The following MIGA2 variants were observed in gnomAD, a reference collection of about 807,000 sequenced individuals.
The protein encoded by MIGA2 is mitoguardin 2.
MIGA2 carries 36 observed loss-of-function variants against 69.9 expected under a neutral mutation model. The observed-to-expected ratio is 0.52, with a 90% CI of 0.39 to 0.68. The LOEUF (loss-of-function observed/expected upper bound fraction) is 0.68. MIGA2 is among the 30% of genes least tolerant of loss of function. The probability of loss-of-function intolerance (pLI) is 0.00; values close to 1 mark genes in which losing one functional copy is unlikely to be tolerated. For synonymous variants in MIGA2, 333 were observed against 349.2 expected (o/e 0.95, Z 0.52); for missense variants, 660 against 787.7 (o/e 0.84, Z 1.94).
At chr9:129,057,286 A>G (rs1292479124) in intron 6 of MIGA2, among the ~76,000 whole-genome samples, 1 of 151,762 alleles carries the variant, frequency 6.6e-6, no homozygotes, top group East Asian at 1.9e-4. Flanking sequence ...TTTTATATAT[A>G]TAAATTTTGT....
chr9:129,058,353 T>A (rs1845895827), intron 6 of MIGA2, among the ~76,000 whole-genome samples: 1 of 150,190 alleles, frequency 6.7e-6, no homozygotes, highest in Admixed American at 6.7e-5. Context: ...TGGTTAGATG[T>A]GATTGCGCCA....
chr9:129,050,068 T>C, intron 6 of MIGA2, 105 bp downstream of exon 6: 2 of 1,426,590 alleles, frequency 1.4e-6, no homozygotes, highest in South Asian at 2.7e-5. Flanking sequence ...CCTCTGAGAC[T>C]GCTGATTTCC....
At chr9:129,040,770 G>A (rs1327709958) in intron 2 of MIGA2, 80 bp downstream of exon 2, 24 of 1,321,686 alleles carry the variant, frequency 1.8e-5, no homozygotes, top group African/African-American at 2.9e-5. Context: ...GTCCAGGAAC[G>A]CTGAGCCCTC....
At chr9:129,040,776 C>A in intron 2 of MIGA2, 86 bp downstream of exon 2, 1 of 1,263,726 alleles carries the variant, frequency 7.9e-7, no homozygotes, top group Non-Finnish European at 1.1e-6. Flanking sequence ...GAACGCTGAG[C>A]CCTCGTTCTT....
chr9:129,062,538 A>T (rs1269073053), intron 9 of MIGA2, among the ~76,000 whole-genome samples: 1 of 150,428 alleles, frequency 6.6e-6, no homozygotes. Context: ...TCTCAAAAAA[A>T]AAAAAAAAAA....
intron 6 of MIGA2, among the ~76,000 whole-genome samples, chr9:129,054,114 G>A (rs1845682772): frequency 6.6e-6 from 1 of 152,126 alleles, no homozygotes; most frequent in Non-Finnish European, 1.5e-5. Context: ...TCACAAAATT[G>A]TGTATCTATT....
intron 11 of MIGA2, among the ~76,000 whole-genome samples, chr9:129,066,088 T>C (rs951812635): frequency 6.6e-5 from 10 of 152,222 alleles, no homozygotes; most frequent in Non-Finnish European, 7.3e-5. Flanking sequence ...GTATACTCAA[T>C]GGTTCTTCAC....
chr9:129,049,254 C>G (rs1365962838), intron 4 of MIGA2, 127 bp from the exon 5 acceptor site: 1 of 854,618 alleles, frequency 1.2e-6, no homozygotes, highest in African/African-American at 1.7e-5. Flanking sequence ...TGGCTAGGAA[C>G]AAGCTCAGGG....
At chr9:129,057,844 G>C (rs1368704785) in intron 6 of MIGA2, among the ~76,000 whole-genome samples, 2 of 151,990 alleles carry the variant, frequency 1.3e-5, no homozygotes, top group African/African-American at 4.8e-5. Flanking sequence ...GGGCTCAAGG[G>C]ATCCTCCTGC....
rs1846696724 is a variant in MIGA2, at chr9:129,071,860, T to G, written c.*1407T>G. ...CTCCAGGGCAGGAAGGACCCTGTGCTCCCCGCCCCCCATCCTGACATCCTG... is the reference window on the plus strand; with the variant it reads ...CTCCAGGGCAGGAAGGACCCTGTGCGCCCCGCCCCCCATCCTGACATCCTG... On this transcript the variant is annotated 3_prime_UTR_variant, in exon 16 of 16. Coordinates refer to ENST00000684074, the MANE Select transcript of MIGA2 (RefSeq NM_001329990.2). The G allele has an allele frequency of 1.3e-5, 2 of 152,570 alleles. No individual in the cohort carries two copies. Among genetic ancestry groups the G allele is most frequent in the African/African-American group, 4.8e-5 (2 of 41,396 alleles). 9.5% of individuals were successfully genotyped at this position (152,570 alleles called of 1,614,324 possible). A position where few individuals can be genotyped will look rare whatever the true frequency, so the allele number is the denominator to read the frequency against.
intron 9 of MIGA2, among the ~76,000 whole-genome samples, chr9:129,062,956 A>G (rs939879948): frequency 1.3e-5 from 2 of 152,146 alleles, no homozygotes; most frequent in Non-Finnish European, 2.9e-5. Context: ...GTCCTTTGCC[A>G]GTGAAGTGTG....
rs1383898657 is a variant in MIGA2, at chr9:129,048,566, G to A, written c.420+27G>A. 2.5e-6 allele frequency: 4 copies of A among 1,592,182 alleles called. No individual in the cohort carries two copies. The African/African-American group carries it at 4.0e-5, about 16-fold the overall frequency. On this transcript the variant is annotated intron_variant, in intron 4 of 15. Transcript: ENST00000684074. ...TGAGCAGCAGGTGCCAGGGCTCCAGGGCTCCAGGTCCGGGCTTACCCCTGC... is the reference window on the plus strand; with the variant it reads ...TGAGCAGCAGGTGCCAGGGCTCCAGAGCTCCAGGTCCGGGCTTACCCCTGC...
intron 11 of MIGA2, among the ~76,000 whole-genome samples, chr9:129,063,864 A>G (rs1288674810): frequency 1.3e-5 from 2 of 152,060 alleles, no homozygotes; most frequent in East Asian, 1.9e-4. Flanking sequence ...CCGTCTCTCC[A>G]TGCTGGCACT....
intron 2 of MIGA2, 198 bp from the exon 3 acceptor site, chr9:129,042,106 T>G: frequency 8.4e-6 from 5 of 595,970 alleles, no homozygotes; most frequent in Non-Finnish European, 9.2e-6. Context: ...CTTGCCATCT[T>G]TATGTTTTTG....
chr9:129,066,656 CAAAA>C (rs34457777), intron 11 of MIGA2, among the ~76,000 whole-genome samples: 1 of 71,286 alleles, frequency 1.4e-5, no homozygotes, highest in African/African-American at 5.6e-5. Flanking sequence ...CCTGGGCGAC[CAAAA>C]AAAAAAAAAA....
intron 11 of MIGA2, 130 bp from the exon 12 acceptor site, chr9:129,067,643 C>T (rs949180497): frequency 3.9e-6 from 3 of 774,004 alleles, no homozygotes; most frequent in African/African-American, 3.5e-5. Context: ...CACTTCTCTG[C>T]CACGTTTTCT....
At position 129,071,247 on chromosome 9, in the gene MIGA2, T is replaced by TG. The variant is rs1846662633; in HGVS notation, c.*795dup. ...AGGGATCGCTCAGGCCCCTGTCACC[T>TG]GTGGGCCCGGGGACCACTTGGGGGA... On this transcript the variant is annotated 3_prime_UTR_variant, in exon 16 of 16. Coordinates refer to ENST00000684074, the MANE Select transcript of MIGA2 (RefSeq NM_001329990.2). 1 of 152,504 alleles carries TG rather than the reference T, an allele frequency of 6.6e-6. No individual in the cohort carries two copies. The highest frequency in any genetic ancestry group is 2.1e-4 in the South Asian group (1 of 4,838). 9.4% of individuals were successfully genotyped at this position (152,504 alleles called of 1,614,324 possible).
chr9:129,068,016 C>T lies in MIGA2; in HGVS notation c.1269+145C>T, dbSNP rs761218772. 5.6e-6 allele frequency: 7 copies of T among 1,251,174 alleles called. No individual in the cohort carries two copies. The South Asian group carries it at 8.0e-5, about 14-fold the overall frequency. 77.5% of individuals were successfully genotyped at this position (1,251,174 alleles called of 1,614,324 possible). On this transcript the variant is annotated intron_variant, in intron 12 of 15. Coordinates refer to ENST00000684074, the MANE Select transcript of MIGA2 (RefSeq NM_001329990.2). This position sits in a 1 kb window ranked among gnomAD's most constrained non-coding sequence, Gnocchi z 4.1. ...ATAGTCCCCGGTTCCTGCCCTGCCC[C>T]AGGCCAAGGCAGAGGGAGGAATGGC...
chr9:129,069,050 C>A lies in MIGA2; in HGVS notation c.1405-26C>A. ...TGTGGGCTAGGCCCATTTTGACACC[C>A]GGGGGACATCCTATTTTTGATGTAG... On this transcript the variant is annotated intron_variant, in intron 13 of 15. Coordinates refer to ENST00000684074, the MANE Select transcript of MIGA2 (RefSeq NM_001329990.2). The surrounding 1 kb of genome is among the most constrained non-coding windows in gnomAD (Gnocchi z 4.9). The A allele has an allele frequency of 6.2e-7, 1 of 1,613,756 alleles. No homozygotes were observed. The highest frequency in any genetic ancestry group is 8.5e-7 in the Non-Finnish European group (1 of 1,179,852).
Sources: gnomAD v4.1 joint callset for allele counts (sites outside exome capture counted in the v4.1 genomes callset) on GRCh38, gnomAD v4.1.1 for gene constraint, Gnocchi (gnomAD v3.1) non-coding constraint, MANE v1.5 for transcripts, NCBI Gene and HGNC (gene_info 2026-07-23, HGNC 2026-07-21) for gene names.